Variants in XPOT observed in about 807,000 individuals in gnomAD.
XPOT encodes exportin for tRNA.
In XPOT, 34 loss-of-function variants were observed where a neutral mutation model predicts 128.2. That is an observed-to-expected ratio of 0.27 (90% CI 0.20 to 0.35). The LOEUF (loss-of-function observed/expected upper bound fraction) is 0.35, where lower values mean the gene tolerates loss of function less well. Among genes scored for constraint, XPOT ranks in the 10% least tolerant of loss-of-function variants. The pLI is 1.00. For synonymous variants in XPOT, 348 were observed against 394.3 expected (o/e 0.88, Z 1.39); for missense variants, 838 against 1,125.3 (o/e 0.74, Z 3.65).
Position 64,422,918 on chromosome 12 carries a change from AAC to A in XPOT, c.1081-86_1081-85del. 17 of 1,372,484 alleles carry A rather than the reference AAC, an allele frequency of 1.2e-5. No homozygotes were observed. The South Asian group carries it at 1.8e-4, about 15-fold the overall frequency. 85.0% of individuals were successfully genotyped at this position (1,372,484 alleles called of 1,614,324 possible). A position where few individuals can be genotyped will look rare whatever the true frequency, so the allele number is the denominator to read the frequency against. ...ACCTTGTCTCAAAAAAAAAAAAAAA[AAC>A]CAGGTCTTAATTGATTCGAAAAATG... On this transcript the variant is annotated intron_variant, in intron 9 of 24. Transcript: ENST00000332707.
intron 18 of XPOT, among the ~76,000 whole-genome samples, chr12:64,432,737 A>G (rs1404801029): frequency 1.3e-5 from 2 of 152,224 alleles, no homozygotes; most frequent in East Asian, 1.9e-4. Context: ...AGAACATGCT[A>G]TTAAACAATG....
At chr12:64,440,065 GA>G (rs1433128292) in intron 23 of XPOT, among the ~76,000 whole-genome samples, 5 of 152,098 alleles carry the variant, frequency 3.3e-5, no homozygotes, top group African/African-American at 1.2e-4. Context: ...AATATAGGTG[GA>G]TCTCCAGAAC....
chr12:64,422,381 A>G (rs1437620840), intron 9 of XPOT, among the ~76,000 whole-genome samples: 1 of 152,208 alleles, frequency 6.6e-6, no homozygotes, highest in Non-Finnish European at 1.5e-5. Context: ...GTGGAAAGGT[A>G]TGATCACTAT....
intron 1 of XPOT, among the ~76,000 whole-genome samples, chr12:64,407,117 C>A (rs1326575020): frequency 6.6e-6 from 1 of 152,156 alleles, no homozygotes; most frequent in Non-Finnish European, 1.5e-5. Flanking sequence ...AAACCCAGGT[C>A]TTTGAAATCC....
At chr12:64,434,700 T>A in intron 20 of XPOT, 77 bp downstream of exon 20, 1 of 1,526,166 alleles carries the variant, frequency 6.6e-7, no homozygotes, top group Non-Finnish European at 9.1e-7. Context: ...AACATAGCCC[T>A]AACAGAGAGA....
chr12:64,433,621 A>G lies in XPOT; in HGVS notation c.2452+18A>G. On this transcript the variant is annotated intron_variant, in intron 19 of 24. Transcript: ENST00000332707. ...AAATCAAGGTGGGAACACATGCCAT[A>G]TCTAATTTGTCTGCTTAAGTCTGTG... 6.4e-7 allele frequency: 1 copy of G among 1,573,106 alleles called. No individual in the cohort carries two copies. The highest frequency in any genetic ancestry group is 8.7e-7 in the Non-Finnish European group (1 of 1,153,768).
chr12:64,420,118 A>G lies in XPOT; in HGVS notation c.538A>G (p.Ile180Val). 6.2e-7 allele frequency: 1 copy of G among 1,605,864 alleles called. No individual in the cohort carries two copies. The highest frequency in any genetic ancestry group is 8.5e-7 in the Non-Finnish European group (1 of 1,177,364). Residue 180 changes from isoleucine to valine, a missense_variant, in exon 7 of 25, where the codon ATT becomes GTT. Coordinates refer to ENST00000332707, the MANE Select transcript of XPOT (RefSeq NM_007235.6). ...AAAAGATACCATGAGGGAACAGTGC[A>G]TTCCAAATCTGGTGGAATCATGGTA... ...LIKDTMREQC[I>V]PNLVESWYQI...
At chr12:64,435,219 T>G (rs2040273019) in intron 21 of XPOT, among the ~76,000 whole-genome samples, 1 of 152,222 alleles carries the variant, frequency 6.6e-6, no homozygotes. Context: ...CTACTACTAC[T>G]TTAATTCTAA....
intron 4 of XPOT, 95 bp from the exon 5 acceptor site, chr12:64,417,951 A>G (rs1417539138): frequency 1.1e-6 from 1 of 899,854 alleles, no homozygotes; most frequent in Non-Finnish European, 1.7e-6. Context: ...TGAGAGCTAT[A>G]CAAATTTTCC....
chr12:64,417,261 A>C (rs1363373992), intron 4 of XPOT, among the ~76,000 whole-genome samples: 1 of 152,162 alleles, frequency 6.6e-6, no homozygotes, highest in Non-Finnish European at 1.5e-5. Flanking sequence ...TAAAAATCCA[A>C]GGCTGGGCGC....
chr12:64,423,157 CTT>C (rs767107640), intron 10 of XPOT, 23 bp from the exon 11 acceptor site: 30 of 1,598,064 alleles, frequency 1.9e-5, no homozygotes, highest in African/African-American at 2.7e-5. Flanking sequence ...GACAAAAACT[CTT>C]TTATTCTCAA....
intron 8 of XPOT, among the ~76,000 whole-genome samples, chr12:64,420,887 G>T (rs942236071): frequency 2.6e-5 from 4 of 152,084 alleles, no homozygotes; most frequent in Non-Finnish European, 4.4e-5. Flanking sequence ...TGCAACCTCC[G>T]TCTCCCGGGT....
intron 23 of XPOT, among the ~76,000 whole-genome samples, chr12:64,441,638 GTTT>G (rs961198760): frequency 6.6e-6 from 1 of 151,776 alleles, no homozygotes; most frequent in Non-Finnish European, 1.5e-5. Context: ...ACGTCACTTT[GTTT>G]TTTATTTTTG....
rs966918335 is a variant in XPOT, at chr12:64,404,732, T to TGCCGC, written c.-141_-137dup. On this transcript the variant is annotated 5_prime_UTR_variant, in exon 1 of 25. Coordinates refer to ENST00000332707, the MANE Select transcript of XPOT (RefSeq NM_007235.6). The stretch of plus-strand genomic sequence containing the variant: ...AGGGCCGCTCTCCCAGCTCTCTGCG[T>TGCCGC]GCCGCGCCGCTCCGCTCCGCTGGCT... 6.6e-6 allele frequency: 1 copy of TGCCGC among 152,374 alleles called. No individual in the cohort carries two copies. Among genetic ancestry groups the TGCCGC allele is most frequent in the African/African-American group, 2.4e-5 (1 of 41,440 alleles). The allele number at this position is 152,374 out of a possible 1,614,324, so 9.4% of individuals were successfully genotyped here.
rs752089523 is a variant in XPOT, at chr12:64,449,934, C to G, written c.*1803C>G. The G allele has an allele frequency of 2.6e-5, 4 of 152,286 alleles. No homozygotes were observed. Among genetic ancestry groups the G allele is most frequent in the South Asian group, 4.1e-4 (2 of 4,824 alleles). 9.4% of individuals were successfully genotyped at this position (152,286 alleles called of 1,614,324 possible). A position where few individuals can be genotyped will look rare whatever the true frequency, so the allele number is the denominator to read the frequency against. ...GTTCAAATACCAGTTCTGCCAGTAA[C>G]TGGTTTTAGAACCTTGGGCAAGTTA... On this transcript the variant is annotated 3_prime_UTR_variant, in exon 25 of 25. Transcript: ENST00000332707.
chr12:64,425,394 C>T lies in XPOT; in HGVS notation c.1509C>T (p.Phe503=), dbSNP rs113285731. Residue 503 remains phenylalanine, a synonymous_variant, in exon 14 of 25, where the codon TTC becomes TTT. Transcript: ENST00000332707. The stretch of plus-strand genomic sequence containing the variant: ...ATACATCTGTGACATTGGAGTTCTT[C>T]GAAACTGTTGTTAGATATGAAAAGT... ...YQHTSVTLEF[F]ETVVRYEKFF... The T allele has an allele frequency of 3.7e-5, 59 of 1,613,572 alleles. No homozygotes were observed. Among genetic ancestry groups the T allele is most frequent in the African/African-American group, 2.4e-4 (18 of 75,000 alleles).
chr12:64,420,379 T>C lies in XPOT; in HGVS notation c.701T>C (p.Met234Thr), dbSNP rs1394480828. 6.2e-7 allele frequency: 1 copy of C among 1,613,714 alleles called. No homozygotes were observed. The highest frequency in any genetic ancestry group is 8.5e-7 in the Non-Finnish European group (1 of 1,179,840). Residue 234 changes from methionine (M) to threonine (T), a missense_variant, in exon 8 of 25, where the codon ATG becomes ACG. This residue lies in a region of XPOT where 761 missense variants were observed against 988.3 expected (regional missense o/e 0.77). Transcript: ENST00000332707. The part of the protein sequence containing the change: ...DRFINMLLGH[M>T]SIEVLREEAC... ...TTTATAAATATGCTGCTAGGTCATA[T>C]GTCAATAGAAGTTCTACGGGAAGAA...
At chr12:64,406,926 G>A (rs1221711091) in intron 1 of XPOT, among the ~76,000 whole-genome samples, 2 of 152,060 alleles carry the variant, frequency 1.3e-5, no homozygotes, top group African/African-American at 4.8e-5. Flanking sequence ...TCCTACCTCT[G>A]ACTATAAACA....
intron 18 of XPOT, among the ~76,000 whole-genome samples, chr12:64,432,458 C>T (rs1308738813): frequency 6.6e-6 from 1 of 152,138 alleles, no homozygotes; most frequent in East Asian, 1.9e-4. Context: ...GTTGACCAGG[C>T]TAATCTCGAA....
Sources: allele counts gnomAD v4.1 joint callset (sites outside exome capture counted in the v4.1 genomes callset), GRCh38; gene constraint gnomAD v4.1.1; regional missense constraint gnomAD v4.1.1; transcripts MANE v1.5; gene names NCBI Gene and HGNC (gene_info 2026-07-23, HGNC 2026-07-21).